NDFIP1: variants seen among roughly 807,000 people sequenced by gnomAD.
NDFIP1 encodes Nedd4 family interacting protein 1.
In NDFIP1, 7 loss-of-function variants were observed where a neutral mutation model predicts 28.8. The observed-to-expected ratio is 0.24, with a 90% CI of 0.14 to 0.46. NDFIP1 has a LOEUF of 0.46. NDFIP1 is among the 20% of genes least tolerant of loss of function. NDFIP1 has a pLI of 0.99. For synonymous variants in NDFIP1, 92 were observed against 101.0 expected (o/e 0.91, Z 0.53); for missense variants, 194 against 269.1 (o/e 0.72, Z 1.95).
chr5:142,151,194 T>G (rs746678757), intron 7 of NDFIP1, among the ~76,000 whole-genome samples: 2 of 152,252 alleles, frequency 1.3e-5, no homozygotes, highest in Non-Finnish European at 2.9e-5. Flanking sequence ...AAACTTGTTT[T>G]TTAAAAGTAT....
At chr5:142,109,176 G>T in intron 1 of NDFIP1, 139 bp downstream of exon 1, 1 of 752,418 alleles carries the variant, frequency 1.3e-6, no homozygotes. Context: ...GGAGGGGCGG[G>T]TCGGGCCCCG....
At chr5:142,135,133 C>A (rs1256898693) in intron 3 of NDFIP1, among the ~76,000 whole-genome samples, 1 of 145,430 alleles carries the variant, frequency 6.9e-6, no homozygotes, top group Non-Finnish European at 1.5e-5. Flanking sequence ...TGCCCGCCAC[C>A]ACTCCCGGCT....
Position 142,132,252 on chromosome 5 carries a change from C to T in NDFIP1, c.192C>T (p.Pro64=), listed in dbSNP as rs779344291. The T allele has an allele frequency of 2.5e-5, 40 of 1,613,850 alleles. No homozygotes were observed. Among genetic ancestry groups the T allele is most frequent in the South Asian group, 4.4e-5 (4 of 91,050 alleles). ...DYKDESGFPK[P]PSYNVATTLP... ...AGGATGAGTCTGGGTTTCCAAAGCCCCCATCTTACAATGTAGCTACAACAC... is the reference window on the plus strand; with the variant it reads ...AGGATGAGTCTGGGTTTCCAAAGCCTCCATCTTACAATGTAGCTACAACAC... The change falls in exon 3 of 8, where the codon CCC becomes CCT. Residue 64 remains proline, a synonymous_variant. Coordinates refer to ENST00000253814, the MANE Select transcript of NDFIP1 (RefSeq NM_030571.4).
intron 6 of NDFIP1, among the ~76,000 whole-genome samples, chr5:142,140,976 T>C (rs1757323124): frequency 6.6e-6 from 1 of 152,092 alleles, no homozygotes; most frequent in East Asian, 1.9e-4. Flanking sequence ...CCAGAATTGC[T>C]TATACGCTTA....
At chr5:142,121,687 C>T (rs1398910290) in intron 1 of NDFIP1, among the ~76,000 whole-genome samples, 2 of 152,190 alleles carry the variant, frequency 1.3e-5, no homozygotes, top group Non-Finnish European at 1.5e-5. Context: ...TCTCCTGAAA[C>T]CATCATCACT....
chr5:142,114,256 A>T (rs1179455740), intron 1 of NDFIP1, among the ~76,000 whole-genome samples: 1 of 152,148 alleles, frequency 6.6e-6, no homozygotes, highest in Non-Finnish European at 1.5e-5. Context: ...GATAGTAGCC[A>T]TCTAATGGGT....
intron 7 of NDFIP1, among the ~76,000 whole-genome samples, chr5:142,146,257 A>G (rs749869535): frequency 1.3e-5 from 2 of 152,252 alleles, no homozygotes; most frequent in Non-Finnish European, 2.9e-5. Flanking sequence ...CATGTCTGAA[A>G]ATGTGTAGCA....
intron 1 of NDFIP1, among the ~76,000 whole-genome samples, chr5:142,115,442 C>T (rs1177041688): frequency 6.6e-6 from 1 of 152,018 alleles, no homozygotes; most frequent in Non-Finnish European, 1.5e-5. Context: ...CACCACCACG[C>T]CCAGCTAATT....
intron 4 of NDFIP1, among the ~76,000 whole-genome samples, chr5:142,136,750 C>T (rs193130084): frequency 0.016 from 1,164 of 71,360 alleles, 18 homozygotes; most frequent in African/African-American, 0.062. Flanking sequence ...AGTGAGACTT[C>T]GTCTCAAAAA....
intron 4 of NDFIP1, among the ~76,000 whole-genome samples, chr5:142,136,502 C>G (rs926682997): frequency 9.9e-5 from 15 of 152,118 alleles, no homozygotes; most frequent in African/African-American, 3.6e-4. Flanking sequence ...TGCCTATAAT[C>G]CCAGCACTTT....
intron 1 of NDFIP1, among the ~76,000 whole-genome samples, chr5:142,131,116 G>C (rs887539613): frequency 3.3e-5 from 5 of 151,678 alleles, no homozygotes; most frequent in African/African-American, 9.7e-5. Flanking sequence ...CACCACTCCC[G>C]GGTAATTTTT....
chr5:142,153,546 G>T lies in NDFIP1; in HGVS notation c.*1818G>T. 1.0e-5 allele frequency: 3 copies of T among 290,316 alleles called. No homozygotes were observed. The highest frequency in any genetic ancestry group is 1.4e-5 in the Non-Finnish European group (2 of 140,530). The allele number at this position is 290,316 out of a possible 1,614,324, so 18.0% of individuals were successfully genotyped here. ...ATTATTATGAATAATAGTGTAGTGT[G>T]TTCTTTTTCAGAAGTTATATTTGAT... On this transcript the variant is annotated 3_prime_UTR_variant, in exon 8 of 8. Transcript: ENST00000253814.
rs774325360 is a variant in NDFIP1, at chr5:142,135,749, G to A, written c.302G>A (p.Arg101Gln). 2.0e-5 allele frequency: 32 copies of A among 1,613,316 alleles called. No individual in the cohort carries two copies. In the East Asian group the frequency reaches 2.9e-4, roughly 15 times the overall value. ...ATTTAGGATGAGGATTTTGTGGGTC[G>A]GGATGATTTTGATGATGCTGACCAG... Reference protein sequence around the residue: ...VPGRDEDFVGRDDFDDADQLR... With the variant: ...VPGRDEDFVGQDDFDDADQLR... Residue 101 changes from arginine to glutamine, a missense_variant, in exon 4 of 8, where the codon CGG (arginine) becomes CAG (glutamine). By Grantham distance (43) the Arg-to-Gln change is conservative. Transcript: ENST00000253814.
Position 142,108,880 on chromosome 5 carries a change from GT to G in NDFIP1, c.-94del. Reference sequence around the variant, plus strand: ...GGCCATCGAGACCCACCCAAGGCGCGTCCCCCTCGGCCTCCCAGCGCTCCCA... The same window carrying G: ...GGCCATCGAGACCCACCCAAGGCGCGCCCCCTCGGCCTCCCAGCGCTCCCA... On this transcript the variant is annotated 5_prime_UTR_variant, in exon 1 of 8. Coordinates refer to ENST00000253814, the MANE Select transcript of NDFIP1 (RefSeq NM_030571.4). 1 of 1,131,718 alleles carries G rather than the reference GT, an allele frequency of 8.8e-7. No individual in the cohort carries two copies. The highest frequency in any genetic ancestry group is 1.6e-5 in the African/African-American group (1 of 61,260). 70.1% of individuals were successfully genotyped at this position (1,131,718 alleles called of 1,614,324 possible). A position where few individuals can be genotyped will look rare whatever the true frequency, so the allele number is the denominator to read the frequency against.
chr5:142,135,655 C>A, intron 3 of NDFIP1, 75 bp from the exon 4 acceptor site: 2 of 1,279,474 alleles, frequency 1.6e-6, no homozygotes, highest in South Asian at 1.2e-5. Flanking sequence ...TTTTTCCTTG[C>A]TACTCAAATT....
At chr5:142,128,259 A>T (rs1389650485) in intron 1 of NDFIP1, among the ~76,000 whole-genome samples, 1 of 152,168 alleles carries the variant, frequency 6.6e-6, no homozygotes, top group Non-Finnish European at 1.5e-5. Context: ...CCCAAACGTG[A>T]CAATGCCGCG....
Position 142,137,147 on chromosome 5 carries a change from T to C in NDFIP1, c.371-587T>C, listed in dbSNP as rs1246384292. Reference sequence around the variant, plus strand: ...ATGTTAAGGTTTGCTTTTTGCTGTTTTTTGTTTTTTTTGCTTTTTCCTTTT... The same window carrying C: ...ATGTTAAGGTTTGCTTTTTGCTGTTCTTTGTTTTTTTTGCTTTTTCCTTTT... On this transcript the variant is annotated intron_variant, in intron 4 of 7. Coordinates refer to ENST00000253814, the MANE Select transcript of NDFIP1 (RefSeq NM_030571.4). Among the ~76,000 whole-genome samples, 3 of 152,004 alleles carry C rather than the reference T, an allele frequency of 2.0e-5. No individual in the cohort carries two copies. The East Asian group carries it at 5.8e-4, about 29-fold the overall frequency.
At chr5:142,150,540 T>C (rs1169935253) in intron 7 of NDFIP1, among the ~76,000 whole-genome samples, 1 of 152,054 alleles carries the variant, frequency 6.6e-6, no homozygotes, top group Non-Finnish European at 1.5e-5. Flanking sequence ...GCCTTTTAAA[T>C]ACTTACGCAG....
At chr5:142,141,214 C>T (rs752121067) in intron 6 of NDFIP1, among the ~76,000 whole-genome samples, 4 of 120,884 alleles carry the variant, frequency 3.3e-5, no homozygotes, top group African/African-American at 6.4e-5. Flanking sequence ...CTTGCTCTGT[C>T]GCACAGGCTG....
Sources: allele counts gnomAD v4.1 joint callset (sites outside exome capture counted in the v4.1 genomes callset), GRCh38; gene constraint gnomAD v4.1.1; transcripts MANE v1.5; gene names NCBI Gene and HGNC (gene_info 2026-07-23, HGNC 2026-07-21).